P2RY12: variants seen among roughly 807,000 people sequenced by gnomAD.
The protein encoded by P2RY12 is P2Y purinoceptor 12.
Under a neutral mutation model 4.5 loss-of-function variants are expected in P2RY12, and 3 were observed. The ratio of observed to expected loss-of-function variants is 0.67; its 90% CI spans 0.31 to 1.74. The LOEUF (loss-of-function observed/expected upper bound fraction) is 1.74, where lower values mean the gene tolerates loss of function less well. P2RY12 is among the 40% of genes most tolerant of loss of function. The pLI, the probability that P2RY12 is intolerant of heterozygous loss-of-function variation, is 0.09. For missense variants in P2RY12, 356 were observed against 407.8 expected (o/e 0.87, Z 1.09); for synonymous variants, 148 against 154.1 (o/e 0.96, Z 0.29).
intron 1 of P2RY12, among the ~76,000 whole-genome samples, chr3:151,349,808 C>T (rs753317203): frequency 2.6e-5 from 4 of 151,440 alleles, no homozygotes; most frequent in Non-Finnish European, 4.4e-5. Flanking sequence ...TTGTAGGGTA[C>T]GCCCACATCA....
intron 1 of P2RY12, chr3:151,365,329 T>C (rs999566683): frequency 4.1e-6 from 3 of 729,972 alleles, no homozygotes; most frequent in African/African-American, 1.8e-5. Flanking sequence ...TTTTTCTAAA[T>C]CTTCTTTTAT....
chr3:151,384,190 C>T (rs774327508), intron 1 of P2RY12: 3 of 1,609,832 alleles, frequency 1.9e-6, no homozygotes, highest in Non-Finnish European at 2.5e-6. Context: ...AACAAGCGTG[C>T]ATACATGAAT....
At chr3:151,350,002 G>A in intron 1 of P2RY12, 2 of 1,562,178 alleles carry the variant, frequency 1.3e-6, no homozygotes, top group East Asian at 2.3e-5. Flanking sequence ...TCAGGGATAT[G>A]AAATGCAACC....
chr3:151,373,712 A>C (rs1184591091), intron 1 of P2RY12, among the ~76,000 whole-genome samples: 1 of 152,172 alleles, frequency 6.6e-6, no homozygotes, highest in African/African-American at 2.4e-5. Context: ...AGACTGTCCC[A>C]GATTTGTGCA....
chr3:151,352,319 A>C (rs1753332443), intron 1 of P2RY12, among the ~76,000 whole-genome samples: 1 of 152,176 alleles, frequency 6.6e-6, no homozygotes, highest in Non-Finnish European at 1.5e-5. Flanking sequence ...AGGGATCCTC[A>C]ACCTTTTTCA....
chr3:151,352,122 C>G (rs896108867), intron 1 of P2RY12, among the ~76,000 whole-genome samples: 1 of 152,152 alleles, frequency 6.6e-6, no homozygotes, highest in African/African-American at 2.4e-5. Flanking sequence ...TTCATATACA[C>G]TTTATATACA....
Position 151,377,094 on chromosome 3 carries a change from C to T in P2RY12, c.-180+7598G>A, listed in dbSNP as rs1440019548. ...GCAGACCTAAATAATTCTTCTAATT[C>T]TGGCATGAGCCTCTTCAACCCAAAC... On this transcript the variant is annotated intron_variant, in intron 1 of 2. Coordinates refer to ENST00000302632, the MANE Select transcript of P2RY12 (RefSeq NM_022788.5). The T allele has an allele frequency of 3.1e-5, 50 of 1,613,974 alleles. No homozygotes were observed. The Admixed American group carries it at 8.3e-4, about 27-fold the overall frequency.
At chr3:151,384,311 AT>A (rs1262223740) in intron 1 of P2RY12, 1 of 1,262,586 alleles carries the variant, frequency 7.9e-7, no homozygotes, top group Non-Finnish European at 1.1e-6. Flanking sequence ...AATGTTATTA[AT>A]TGTATTCAAC....
intron 1 of P2RY12, chr3:151,365,699 A>T: frequency 1.5e-6 from 1 of 673,164 alleles, no homozygotes; most frequent in Non-Finnish European, 2.3e-6. Context: ...TCAAGGTTCT[A>T]CTAAGTTATT....
chr3:151,352,142 G>A (rs951485839), intron 1 of P2RY12, among the ~76,000 whole-genome samples: 24 of 152,098 alleles, frequency 1.6e-4, no homozygotes, highest in Non-Finnish European at 2.8e-4. Context: ...ATACCCTGAA[G>A]GTAATTTTAT....
chr3:151,357,315 C>T lies in P2RY12; in HGVS notation c.-179-16555G>A, dbSNP rs142343183. 8.6e-5 allele frequency: 138 copies of T among 1,613,874 alleles called. No homozygotes were observed. In the African/African-American group the frequency reaches 1.6e-3, roughly 19 times the overall value. ...ACTGTGTGTCTGCATCGTGGCTGTT[C>T]TCAGGCGCTATCACAGTTGTCTAAT... On this transcript the variant is annotated intron_variant, in intron 1 of 2. Coordinates refer to ENST00000302632, the MANE Select transcript of P2RY12 (RefSeq NM_022788.5).
intron 1 of P2RY12, chr3:151,366,066 G>A: frequency 7.9e-7 from 1 of 1,272,802 alleles, no homozygotes; most frequent in South Asian, 2.3e-5. Flanking sequence ...TTTTGCTTTT[G>A]GCTTTTATTT....
intron 1 of P2RY12, among the ~76,000 whole-genome samples, chr3:151,374,608 A>C (rs984950718): frequency 1.3e-5 from 2 of 152,214 alleles, no homozygotes; most frequent in Non-Finnish European, 2.9e-5. Context: ...GAACAAACCT[A>C]CCTAAAAGGC....
intron 1 of P2RY12, among the ~76,000 whole-genome samples, chr3:151,363,091 G>C (rs1250820744): frequency 1.3e-5 from 2 of 152,018 alleles, no homozygotes; most frequent in Admixed American, 1.3e-4. Context: ...AGTAACATGC[G>C]CTGGGCGTGG....
chr3:151,352,205 T>C (rs921596506), intron 1 of P2RY12, among the ~76,000 whole-genome samples: 25 of 152,234 alleles, frequency 1.6e-4, no homozygotes, highest in African/African-American at 5.5e-4. Flanking sequence ...ATTTTGACTG[T>C]GACCTGTTAT....
At chr3:151,376,428 A>C (rs1756863971) in intron 1 of P2RY12, among the ~76,000 whole-genome samples, 1 of 152,180 alleles carries the variant, frequency 6.6e-6, no homozygotes, top group South Asian at 2.1e-4. Flanking sequence ...TGATATTTTA[A>C]ATCAGTATTG....
intron 1 of P2RY12, among the ~76,000 whole-genome samples, chr3:151,368,696 TTTCATTTC>T (rs1560087672): frequency 0.013 from 711 of 53,722 alleles, 1 homozygote; most frequent in Middle Eastern, 0.03. Context: ...TTTTATTTCA[TTTCATTTC>T]ATTTCATTTC....
At chr3:151,376,971 A>G (rs1354965467) in intron 1 of P2RY12, 1 of 1,612,558 alleles carries the variant, frequency 6.2e-7, no homozygotes, top group Non-Finnish European at 8.5e-7. Context: ...ATGTGCCAGT[A>G]TTCTTATATC....
At chr3:151,383,289 G>A (rs2108149982) in intron 1 of P2RY12, among the ~76,000 whole-genome samples, 1 of 152,262 alleles carries the variant, frequency 6.6e-6, no homozygotes, top group Middle Eastern at 3.4e-3. Context: ...TTCTAACCTT[G>A]TCCCAACACG....
Sources: gnomAD v4.1 joint callset for allele counts (sites outside exome capture counted in the v4.1 genomes callset) on GRCh38, gnomAD v4.1.1 for gene constraint, MANE v1.5 for transcripts, NCBI Gene and HGNC (gene_info 2026-07-23, HGNC 2026-07-21) for gene names.